The following MGMT variants were observed in gnomAD, a reference collection of about 807,000 sequenced individuals.
MGMT encodes the protein methylated-DNA--protein-cysteine methyltransferase.
MGMT carries 14 observed loss-of-function variants against 15.9 expected under a neutral mutation model. That is an observed-to-expected ratio of 0.88 (90% CI 0.58 to 1.37). MGMT has a LOEUF of 1.37. MGMT is among the 40% of genes most tolerant of loss of function. The probability of loss-of-function intolerance (pLI) is 0.00; values close to 1 mark genes in which losing one functional copy is unlikely to be tolerated. For missense variants in MGMT, 282 were observed against 268.1 expected, an observed-to-expected ratio of 1.05 and a Z score of -0.36; for synonymous variants, 130 against 118.2, an observed-to-expected ratio of 1.10 and a Z score of -0.65.
In MGMT at chr10:129,646,740, A is replaced by T. The variant is rs867215607; in HGVS notation, c.126-61155A>T. Among the ~76,000 whole-genome samples the T allele has an allele frequency of 6.8e-4, 60 of 87,922 alleles. 2 individuals are homozygous for T. Among genetic ancestry groups the T allele is most frequent in the Non-Finnish European group, 1.2e-3 (49 of 39,516 alleles). The allele number at this position is 87,922 out of a possible 152,430, so 57.7% of individuals were successfully genotyped here. A position where few individuals can be genotyped will look rare whatever the true frequency, so the allele number is the denominator to read the frequency against. ...CAGAAATATATATATATATATATAT[A>T]TATATATATATATATTTTCAGGGAA... is the stretch of plus-strand genomic sequence containing the variant. On this transcript the variant is annotated intron_variant, in intron 2 of 4. Coordinates refer to ENST00000651593, the MANE Select transcript of MGMT (RefSeq NM_002412.5).
chr10:129,608,909 G>T (rs950522218), intron 2 of MGMT, among the ~76,000 whole-genome samples: 6 of 152,338 alleles, frequency 3.9e-5, no homozygotes, highest in South Asian at 4.1e-4. Context: ...TTTGCTATTG[G>T]TTTAGAATGA....
Position 129,659,433 on chromosome 10 carries a change from A to G in MGMT, c.126-48462A>G, listed in dbSNP as rs1847570868. 6.6e-6 allele frequency among the ~76,000 whole-genome samples: 1 copy of G among 152,050 alleles called. No individual in the cohort carries two copies. The highest frequency in any genetic ancestry group is 1.9e-4 in the East Asian group (1 of 5,180). The stretch of plus-strand genomic sequence containing the variant: ...TTTCTAAATGCGTTTGGCTGGAGAT[A>G]GAACAGATCCTGCCTCTATCCACGG... On this transcript the variant is annotated intron_variant, in intron 2 of 4. Transcript: ENST00000651593. This position sits in a 1 kb window ranked among gnomAD's most constrained non-coding sequence, Gnocchi z 4.1.
At chr10:129,686,558 A>G (rs1185566356) in intron 2 of MGMT, among the ~76,000 whole-genome samples, 1 of 69,390 alleles carries the variant, frequency 1.4e-5, no homozygotes, top group Non-Finnish European at 2.6e-5. Context: ...TATTTTTGGT[A>G]GAAATGGGGT....
In MGMT at chr10:129,761,418, C is replaced by T. The variant is rs572163682; in HGVS notation, c.414+2077C>T. On this transcript the variant is annotated intron_variant, in intron 4 of 4. Coordinates refer to ENST00000651593, the MANE Select transcript of MGMT (RefSeq NM_002412.5). ...AAGCTCCACTAACTGACATGTGCAG[C>T]GTGGCAGCACCCTCCCCCACCAGCC... Among the ~76,000 whole-genome samples the T allele has an allele frequency of 1.8e-3, 267 of 152,350 alleles. 2 individuals are homozygous for T. Among genetic ancestry groups the T allele is most frequent in the African/African-American group, 6.3e-3 (260 of 41,578 alleles).
At chr10:129,510,357 A>C (rs993982483) in intron 1 of MGMT, among the ~76,000 whole-genome samples, 8 of 152,200 alleles carry the variant, frequency 5.3e-5, no homozygotes, top group African/African-American at 1.9e-4. Flanking sequence ...AGAGGACTGA[A>C]TCGGTGCAGA....
At position 129,627,226 on chromosome 10, in the gene MGMT, G is replaced by GTTACTGTTT. The variant is rs1171797540; in HGVS notation, c.126-80666_126-80658dup. The stretch of plus-strand genomic sequence containing the variant: ...GAGGGCGTGGGTTGAAAAGTATCCA[G>GTTACTGTTT]TTACTGTTTTTCTCACGTGGATCAG... On this transcript the variant is annotated intron_variant, in intron 2 of 4. Transcript: ENST00000651593. Among the ~76,000 whole-genome samples, 4 of 152,180 alleles carry GTTACTGTTT rather than the reference G, an allele frequency of 2.6e-5. No homozygotes were observed. In the East Asian group the frequency reaches 5.8e-4, roughly 22 times the overall value.
intron 2 of MGMT, among the ~76,000 whole-genome samples, chr10:129,699,361 G>A (rs866672150): frequency 1.3e-5 from 2 of 152,032 alleles, no homozygotes; most frequent in African/African-American, 4.8e-5. Context: ...TTTTTGGTGG[G>A]TGTTTTAAAA....
At chr10:129,710,747 A>T (rs1848223818) in intron 3 of MGMT, among the ~76,000 whole-genome samples, 1 of 152,222 alleles carries the variant, frequency 6.6e-6, no homozygotes. Context: ...CTAGAGGAAA[A>T]GTCTTTTGAC....
intron 1 of MGMT, among the ~76,000 whole-genome samples, chr10:129,516,262 G>A (rs56972898): frequency 0.089 from 13,503 of 152,252 alleles, 761 homozygotes; most frequent in East Asian, 0.3. Context: ...CAGCTTTGCT[G>A]TTAGAAACGT....
At chr10:129,691,807 G>A (rs1847972731) in intron 2 of MGMT, among the ~76,000 whole-genome samples, 1 of 152,190 alleles carries the variant, frequency 6.6e-6, no homozygotes, top group Non-Finnish European at 1.5e-5. Context: ...CTTCATCTGA[G>A]GATTTGGGGT....
chr10:129,638,327 C>T (rs559088251), intron 2 of MGMT, among the ~76,000 whole-genome samples: 2 of 150,380 alleles, frequency 1.3e-5, no homozygotes, highest in East Asian at 3.9e-4. Context: ...CTTACATTCC[C>T]TCCAGGAAGA....
chr10:129,694,977 A>T (rs1564764016), intron 2 of MGMT, among the ~76,000 whole-genome samples: 1 of 152,202 alleles, frequency 6.6e-6, no homozygotes, highest in Non-Finnish European at 1.5e-5. Context: ...TAATAATGTG[A>T]GTTTCAGATT....
At chr10:129,672,273 CTCT>C (rs1200748746) in intron 2 of MGMT, among the ~76,000 whole-genome samples, 1 of 152,206 alleles carries the variant, frequency 6.6e-6, no homozygotes, top group Non-Finnish European at 1.5e-5. Context: ...GAGAAGTCAG[CTCT>C]TCTTTCAAGT....
At chr10:129,669,987 A>T (rs1346719268) in intron 2 of MGMT, among the ~76,000 whole-genome samples, 1 of 152,186 alleles carries the variant, frequency 6.6e-6, no homozygotes, top group Non-Finnish European at 1.5e-5. Flanking sequence ...TCAAACCTGA[A>T]CCATAAAAAT....
rs151102648 is a variant in MGMT at position 129,637,766 on chromosome 10, T to A, written c.126-70129T>A. Among the ~76,000 whole-genome samples the A allele has an allele frequency of 7.2e-5, 11 of 152,294 alleles. No homozygotes were observed. The East Asian group carries it at 2.1e-3, about 29-fold the overall frequency. On this transcript the variant is annotated intron_variant, in intron 2 of 4. Transcript: ENST00000651593. ...TTAGGGCACAGATATACCATAGGCT[T>A]CTGTGCACAGAGATGACCATGTGAA...
At chr10:129,704,048 A>C (rs1978756) in intron 2 of MGMT, among the ~76,000 whole-genome samples, 2 of 151,918 alleles carry the variant, frequency 1.3e-5, no homozygotes, top group Admixed American at 6.6e-5. Context: ...CGCCTTCCCC[A>C]GGGATCAGGA....
rs1183444049 is a variant in MGMT at position 129,569,835 on chromosome 10, G to A, written c.125+33458G>A. On this transcript the variant is annotated intron_variant, in intron 2 of 4. Coordinates refer to ENST00000651593, the MANE Select transcript of MGMT (RefSeq NM_002412.5). ...AGGCACAGGTGACCTTATAGGTATT[G>A]GGATGATGGGGGTGTGCCTGCAGGT... Among the ~76,000 whole-genome samples, 4 of 152,202 alleles carry A rather than the reference G, an allele frequency of 2.6e-5. No individual in the cohort carries two copies. The East Asian group carries it at 5.8e-4, about 22-fold the overall frequency.
At chr10:129,585,759 C>T (rs982154261) in intron 2 of MGMT, among the ~76,000 whole-genome samples, 3 of 152,174 alleles carry the variant, frequency 2.0e-5, no homozygotes, top group African/African-American at 7.2e-5. Flanking sequence ...GGAGCCCATG[C>T]ATATGGAGGG....
At chr10:129,638,687 T>C (rs975834246) in intron 2 of MGMT, among the ~76,000 whole-genome samples, 5 of 152,076 alleles carry the variant, frequency 3.3e-5, no homozygotes, top group African/African-American at 1.2e-4. Context: ...CTTTAAAATA[T>C]GAGGGCTTGG....
Sources: gnomAD v4.1 joint callset for allele counts (sites outside exome capture counted in the v4.1 genomes callset) on GRCh38, gnomAD v4.1.1 for gene constraint, Gnocchi (gnomAD v3.1) non-coding constraint, MANE v1.5 for transcripts, NCBI Gene and HGNC (gene_info 2026-07-23, HGNC 2026-07-21) for gene names.